Variants in RNF144B observed in about 807,000 individuals in gnomAD.
The protein encoded by RNF144B is ring finger protein 144B, also known as E3 ubiquitin-protein ligase RNF144B.
Under a neutral mutation model 40.2 loss-of-function variants are expected in RNF144B, and 25 were observed. The observed-to-expected ratio is 0.62, with a 90% confidence interval of 0.45 to 0.87. The LOEUF (loss-of-function observed/expected upper bound fraction) is 0.87. RNF144B is among the 40% of genes least tolerant of loss of function. The pLI is 0.00. For synonymous variants in RNF144B, 145 were observed against 136.3 expected (o/e 1.06, Z -0.44); for missense variants, 365 against 373.7 (o/e 0.98, Z 0.19).
Position 18,459,589 on chromosome 6 carries a change from C to T in RNF144B, c.537-18C>T, listed in dbSNP as rs1390773430. 1.2e-6 allele frequency: 2 copies of T among 1,610,590 alleles called. No individual in the cohort carries two copies. Among genetic ancestry groups the T allele is most frequent in the South Asian group, 1.1e-5 (1 of 90,832 alleles). The stretch of plus-strand genomic sequence containing the variant: ...TGACCATCAGCTGAATGCCATTTCT[C>T]ATCCATTTTGTTTCTAGAGCCCTCT... On this transcript the variant is annotated intron_variant, in intron 5 of 7. Transcript: ENST00000259939. This position sits in a 1 kb window ranked among gnomAD's most constrained non-coding sequence, Gnocchi z 4.2.
rs142353516 is a variant in RNF144B at position 18,407,436 on chromosome 6, A to G, written c.165+7737A>G. ...ACAAGATTATATAGAAGATTACAGT[A>G]GATAATCTAGATAAATTACTTAGTA... On this transcript the variant is annotated intron_variant, in intron 2 of 7. Transcript: ENST00000259939. Among the ~76,000 whole-genome samples the G allele has an allele frequency of 5.1e-3, 779 of 152,334 alleles. 8 individuals carry two copies. Among genetic ancestry groups the G allele is most frequent in the Admixed American group, 0.014 (216 of 15,298 alleles).
rs1795193010 is a variant in RNF144B, at chr6:18,418,608, C to T, written c.166-8973C>T. Among the ~76,000 whole-genome samples the T allele has an allele frequency of 6.6e-6, 1 of 151,992 alleles. No individual in the cohort carries two copies. The highest frequency in any genetic ancestry group is 2.4e-5 in the African/African-American group (1 of 41,372). On this transcript the variant is annotated intron_variant, in intron 2 of 7. Transcript: ENST00000259939. The surrounding 1 kb of genome is among the most constrained non-coding windows in gnomAD (Gnocchi z 5.2). ...AATGGGGAGCATGTACTAATGGGCA[C>T]AGAGTTTCTTTTGGGATTATGAAAT...
chr6:18,456,841 T>A lies in RNF144B; in HGVS notation c.332-314T>A, dbSNP rs1406525495. Among the ~76,000 whole-genome samples, 1 of 152,148 alleles carries A rather than the reference T, an allele frequency of 6.6e-6. No individual in the cohort carries two copies. Among genetic ancestry groups the A allele is most frequent in the East Asian group, 1.9e-4 (1 of 5,186 alleles). ...ACTTTGGGAGGCCAAGGTAGGCAGA[T>A]CACCTGGGGTCAGGAATTCGAGATC... On this transcript the variant is annotated intron_variant, in intron 4 of 7. Coordinates refer to ENST00000259939, the MANE Select transcript of RNF144B (RefSeq NM_182757.4). The surrounding 1 kb of genome is among the most constrained non-coding windows in gnomAD (Gnocchi z 4.7).
intron 2 of RNF144B, among the ~76,000 whole-genome samples, chr6:18,407,921 A>G (rs1299918719): frequency 6.6e-6 from 1 of 151,516 alleles, no homozygotes; most frequent in Non-Finnish European, 1.5e-5. Context: ...ATTTCTCTAG[A>G]ATTTCCTCAT....
At position 18,410,125 on chromosome 6, in the gene RNF144B, A is replaced by C. The variant is rs1252863103; in HGVS notation, c.165+10426A>C. Among the ~76,000 whole-genome samples, 3 of 152,200 alleles carry C rather than the reference A, an allele frequency of 2.0e-5. No individual in the cohort carries two copies. Among genetic ancestry groups the C allele is most frequent in the Admixed American group, 6.5e-5 (1 of 15,284 alleles). ...GGCCAAACATGCAAATCATGACCAG[A>C]GAGCAGGCAAAAGTTGGTTTCTGAT... On this transcript the variant is annotated intron_variant, in intron 2 of 7. Transcript: ENST00000259939. This position sits in a 1 kb window ranked among gnomAD's most constrained non-coding sequence, Gnocchi z 4.6.
chr6:18,388,105 C>T (rs1217493820), intron 1 of RNF144B, among the ~76,000 whole-genome samples: 1 of 152,144 alleles, frequency 6.6e-6, no homozygotes, highest in African/African-American at 2.4e-5. Context: ...CTTTCTAAAA[C>T]ACCTTTTGTT....
At position 18,458,323 on chromosome 6, in the gene RNF144B, T is replaced by C. The variant is rs1759376211; in HGVS notation, c.536+964T>C. Among the ~76,000 whole-genome samples, 1 of 152,326 alleles carries C rather than the reference T, an allele frequency of 6.6e-6. No individual in the cohort carries two copies. Among genetic ancestry groups the C allele is most frequent in the East Asian group, 1.9e-4 (1 of 5,184 alleles). On this transcript the variant is annotated intron_variant, in intron 5 of 7. Coordinates refer to ENST00000259939, the MANE Select transcript of RNF144B (RefSeq NM_182757.4). This position sits in a 1 kb window ranked among gnomAD's most constrained non-coding sequence, Gnocchi z 4.8. Reference sequence around the variant, plus strand: ...CCTGCTTTGCTTGAGGCTATCGTTGTTCTGCATCAGCAAGAACAAAATACG... The same window carrying C: ...CCTGCTTTGCTTGAGGCTATCGTTGCTCTGCATCAGCAAGAACAAAATACG...
rs1380089283 is a variant in RNF144B, at chr6:18,456,058, GACT to G, written c.332-1094_332-1092del. ...CTGCCTCAGCCTGCCAAGTAGCTGG[GACT>G]ACAGGCACCCGCCACCATGCCCGGC... On this transcript the variant is annotated intron_variant, in intron 4 of 7. Transcript: ENST00000259939. The surrounding 1 kb of genome is among the most constrained non-coding windows in gnomAD (Gnocchi z 4.7). Among the ~76,000 whole-genome samples, 1 of 152,138 alleles carries G rather than the reference GACT, an allele frequency of 6.6e-6. No individual in the cohort carries two copies. Among genetic ancestry groups the G allele is most frequent in the East Asian group, 1.9e-4 (1 of 5,196 alleles).
In RNF144B at chr6:18,412,410, A is replaced by G. The variant is rs73375997; in HGVS notation, c.165+12711A>G. ...AAAAACATACAGTATGCTCAGTGCC[A>G]GTATAGTTTCAACTGATTTTATACC... On this transcript the variant is annotated intron_variant, in intron 2 of 7. Coordinates refer to ENST00000259939, the MANE Select transcript of RNF144B (RefSeq NM_182757.4). The surrounding 1 kb of genome is among the most constrained non-coding windows in gnomAD (Gnocchi z 4.2). 1.6e-3 allele frequency among the ~76,000 whole-genome samples: 248 copies of G among 152,334 alleles called. No homozygotes were observed. The highest frequency in any genetic ancestry group is 5.7e-3 in the African/African-American group (237 of 41,574).
At chr6:18,396,753 A>G (rs879416570) in intron 1 of RNF144B, 8 of 985,306 alleles carry the variant, frequency 8.1e-6, no homozygotes, top group Non-Finnish European at 9.6e-6. Flanking sequence ...ACTGTGTGCC[A>G]TGAGCCCGGG....
In RNF144B at chr6:18,400,259, C is replaced by T. The variant is rs531141558; in HGVS notation, c.165+560C>T. Among the ~76,000 whole-genome samples, 7 of 141,934 alleles carry T rather than the reference C, an allele frequency of 4.9e-5. No homozygotes were observed. The South Asian group carries it at 1.2e-3, about 24-fold the overall frequency. 93.1% of individuals were successfully genotyped at this position (141,934 alleles called of 152,430 possible). The stretch of plus-strand genomic sequence containing the variant: ...CTGCACTCCAGCCTGGGCGACAGAG[C>T]GAGACTCTGTCTCAAAAAAAAAAAA... On this transcript the variant is annotated intron_variant, in intron 2 of 7. Transcript: ENST00000259939. This position sits in a 1 kb window ranked among gnomAD's most constrained non-coding sequence, Gnocchi z 5.6.
At chr6:18,435,330 TG>T (rs1758792942) in intron 3 of RNF144B, among the ~76,000 whole-genome samples, 1 of 152,208 alleles carries the variant, frequency 6.6e-6, no homozygotes, top group South Asian at 2.1e-4. Flanking sequence ...TGCTCGAATA[TG>T]GATTTGGTTA....
At chr6:18,427,505 C>G in intron 2 of RNF144B, 76 bp from the exon 3 acceptor site, 1 of 911,104 alleles carries the variant, frequency 1.1e-6, no homozygotes, top group Non-Finnish European at 1.7e-6. Flanking sequence ...GAAGAAGACA[C>G]AGTGGTGGTT....
intron 2 of RNF144B, among the ~76,000 whole-genome samples, chr6:18,423,304 A>C (rs1429709529): frequency 6.6e-6 from 1 of 152,158 alleles, no homozygotes; most frequent in Non-Finnish European, 1.5e-5. Flanking sequence ...GCTTCAACCT[A>C]CATGGCTGGA....
At chr6:18,430,370 T>TA (rs1758665783) in intron 3 of RNF144B, among the ~76,000 whole-genome samples, 1 of 152,230 alleles carries the variant, frequency 6.6e-6, no homozygotes. Context: ...GTATCTAATG[T>TA]AAGGGGCCAG....
chr6:18,413,531 G>A (rs1046477033), intron 2 of RNF144B, among the ~76,000 whole-genome samples: 4 of 152,196 alleles, frequency 2.6e-5, no homozygotes, highest in African/African-American at 7.2e-5. Flanking sequence ...AGGAAACCAA[G>A]GCCGAGACAT....
In RNF144B at chr6:18,412,798, C is replaced by T. The variant is rs1415979775; in HGVS notation, c.165+13099C>T. Among the ~76,000 whole-genome samples the T allele has an allele frequency of 6.6e-6, 1 of 152,182 alleles. No homozygotes were observed. Among genetic ancestry groups the T allele is most frequent in the African/African-American group, 2.4e-5 (1 of 41,450 alleles). On this transcript the variant is annotated intron_variant, in intron 2 of 7. Coordinates refer to ENST00000259939, the MANE Select transcript of RNF144B (RefSeq NM_182757.4). The surrounding 1 kb of genome is among the most constrained non-coding windows in gnomAD (Gnocchi z 4.2). The stretch of plus-strand genomic sequence containing the variant: ...ACAGTGCCTCATTTCCATGGAAATA[C>T]ATGGCTCTGTGTTAACTGAAAGCCT...
intron 2 of RNF144B, among the ~76,000 whole-genome samples, chr6:18,411,014 C>T (rs572219997): frequency 7.0e-5 from 10 of 142,034 alleles, no homozygotes; most frequent in Admixed American, 2.9e-4. Flanking sequence ...GAGACGGAGT[C>T]TCATTCTGTT....
chr6:18,445,197 G>A (rs141325066), intron 4 of RNF144B, among the ~76,000 whole-genome samples: 59 of 152,240 alleles, frequency 3.9e-4, no homozygotes, highest in African/African-American at 1.3e-3. Context: ...TTCGTTTGAT[G>A]TCTTTTTTGG....
Sources: allele counts gnomAD v4.1 joint callset (sites outside exome capture counted in the v4.1 genomes callset), GRCh38; gene constraint gnomAD v4.1.1; non-coding constraint Gnocchi (gnomAD v3.1); transcripts MANE v1.5; gene names NCBI Gene and HGNC (gene_info 2026-07-23, HGNC 2026-07-21).